The following SFTPD variants were observed in gnomAD, a reference collection of about 807,000 sequenced individuals.
SFTPD encodes pulmonary surfactant-associated protein D.
Under a neutral mutation model 34.6 loss-of-function variants are expected in SFTPD, and 18 were observed. That is an observed-to-expected ratio of 0.52 (90% confidence interval 0.36 to 0.77). The LOEUF is 0.77. Ranked by LOEUF, SFTPD falls within the 30% of genes least tolerant of loss-of-function variation. The pLI, the probability that SFTPD is intolerant of heterozygous loss-of-function variation, is 0.00. For missense variants in SFTPD, 433 were observed against 468.9 expected, an observed-to-expected ratio of 0.92 and a Z score of 0.71; for synonymous variants, 155 against 180.9, an observed-to-expected ratio of 0.86 and a Z score of 1.15.
intron 1 of SFTPD, chr10:79,981,985 G>A: frequency 6.6e-6 from 2 of 303,810 alleles, no homozygotes; most frequent in Non-Finnish European, 6.1e-6. Context: ...GCGTCAGGCC[G>A]CCAGCCTCGC....
At position 79,979,745 on chromosome 10, in the gene SFTPD, C is replaced by G. The variant is rs141316213; in HGVS notation, c.36+2830G>C. 4.9e-3 allele frequency among the ~76,000 whole-genome samples: 746 copies of G among 152,270 alleles called. 4 individuals are homozygous for G. Among genetic ancestry groups the G allele is most frequent in the Non-Finnish European group, 8.7e-3 (593 of 68,008 alleles). On this transcript the variant is annotated intron_variant, in intron 1 of 5. Coordinates refer to the SFTPD transcript ENST00000444384. ...AAGGACTGAAATTCCTGGGCAAGTC[C>G]CTATGCTAGCTGGGCTCAGAGCCAG...
intron 1 of SFTPD, among the ~76,000 whole-genome samples, chr10:79,956,360 T>C (rs1475266180): frequency 6.6e-6 from 1 of 152,226 alleles, no homozygotes; most frequent in African/African-American, 2.4e-5. Context: ...AGGCATTCCC[T>C]CACTCAAGAG....
chr10:79,941,843 A>G, intron 5 of SFTPD, 111 bp downstream of exon 5: 1 of 758,060 alleles, frequency 1.3e-6, no homozygotes. Context: ...TCCATGTTCC[A>G]GCGATACCAC....
chr10:79,979,807 T>G (rs1192870375), intron 1 of SFTPD, among the ~76,000 whole-genome samples: 1 of 152,152 alleles, frequency 6.6e-6, no homozygotes, highest in Non-Finnish European at 1.5e-5. Context: ...CAGTGAGATA[T>G]CACCTGGAGT....
intron 1 of SFTPD, among the ~76,000 whole-genome samples, chr10:79,963,014 T>C (rs1842783552): frequency 6.6e-6 from 1 of 152,196 alleles, no homozygotes. Flanking sequence ...TCTGTCTACC[T>C]ACCTTTCCTT....
At chr10:79,956,470 A>G (rs944034461) in intron 1 of SFTPD, among the ~76,000 whole-genome samples, 5 of 152,222 alleles carry the variant, frequency 3.3e-5, no homozygotes, top group African/African-American at 1.2e-4. Flanking sequence ...TGCTTTTCCA[A>G]CAGGCTTAAA....
Position 79,941,505 on chromosome 10 carries a change from C to G in SFTPD, c.560G>C (p.Gly187Ala). 6.2e-7 allele frequency: 1 copy of G among 1,601,632 alleles called. No individual in the cohort carries two copies. Among genetic ancestry groups the G allele is most frequent in the Non-Finnish European group, 8.5e-7 (1 of 1,175,462 alleles). ...TGGACTTCCCTGGGGACCCATGGCT[C>G]CAGCAGACCCTGGGGTAAAAGAAGA... Reference protein sequence around the residue: ...PGNTGAAGSAGAMGPQGSPGA... With the variant: ...PGNTGAAGSAAAMGPQGSPGA... Residue 187 changes from glycine to alanine, a missense_variant, in exon 6 of 8, where the codon GGA becomes GCA. Physicochemically the swap from Gly to Ala is moderately conservative, Grantham distance 60 (BLOSUM62 0). Transcript: ENST00000372292.
intron 1 of SFTPD, chr10:79,969,879 T>G (rs1842826213): frequency 6.6e-6 from 1 of 152,236 alleles, no homozygotes; most frequent in African/African-American, 2.4e-5. Flanking sequence ...CAGAAGGCTT[T>G]TAATTTGAAG....
At position 79,937,965 on chromosome 10, in the gene SFTPD, G is replaced by A; in HGVS notation, c.1015C>T (p.Pro339Ser). The change falls in exon 8 of 8, where the codon CCA (proline) becomes TCA (serine). Residue 339 changes from proline to serine, a missense_variant. By Grantham distance (74) the Pro-to-Ser change is moderately conservative. Coordinates refer to ENST00000372292, the MANE Select transcript of SFTPD (RefSeq NM_003019.5). Reference protein sequence around the residue: ...GESLVYSNWAPGEPNDDGGSE... With the variant: ...GESLVYSNWASGEPNDDGGSE... ...CCGCCATCATCGTTGGGCTCCCCTG[G>A]GGCCCAGTTGGAATAGACCAGGGAC... 2.5e-6 allele frequency: 4 copies of A among 1,613,540 alleles called. No individual in the cohort carries two copies. Among genetic ancestry groups the A allele is most frequent in the Non-Finnish European group, 3.4e-6 (4 of 1,179,574 alleles).
At chr10:79,955,782 T>C (rs1387294949) in intron 1 of SFTPD, among the ~76,000 whole-genome samples, 1 of 152,212 alleles carries the variant, frequency 6.6e-6, no homozygotes, top group African/African-American at 2.4e-5. Flanking sequence ...TCTTTAAATA[T>C]TAACACAATA....
chr10:79,977,902 C>T (rs531052393), intron 1 of SFTPD, among the ~76,000 whole-genome samples: 4 of 152,232 alleles, frequency 2.6e-5, no homozygotes, highest in African/African-American at 9.6e-5. Context: ...TACCTCACAT[C>T]TTTCATTTAA....
chr10:79,967,853 A>G (rs1201546297), intron 1 of SFTPD, among the ~76,000 whole-genome samples: 5 of 150,324 alleles, frequency 3.3e-5, no homozygotes, highest in South Asian at 4.2e-4. Context: ...AGCTCCCCCA[A>G]TGAGCACCTT....
chr10:79,945,455 CTG>C (rs1254754677), intron 2 of SFTPD, among the ~76,000 whole-genome samples: 3 of 152,204 alleles, frequency 2.0e-5, no homozygotes, highest in Non-Finnish European at 2.9e-5. Context: ...AAGTTAAAGA[CTG>C]TATCTGATCC....
chr10:79,956,676 C>A (rs1290131387), intron 1 of SFTPD, among the ~76,000 whole-genome samples: 5 of 152,242 alleles, frequency 3.3e-5, no homozygotes, highest in African/African-American at 1.2e-4. Flanking sequence ...GTGGAGCCCA[C>A]CACAGCTCAA....
In SFTPD at chr10:79,937,771, G is replaced by C. The variant is rs190420911; in HGVS notation, c.*81C>G. 8.5e-6 allele frequency: 12 copies of C among 1,409,308 alleles called. No individual in the cohort carries two copies. Among genetic ancestry groups the C allele is most frequent in the African/African-American group, 1.4e-5 (1 of 69,596 alleles). 87.3% of individuals were successfully genotyped at this position (1,409,308 alleles called of 1,614,324 possible). A position where few individuals can be genotyped will look rare whatever the true frequency, so the allele number is the denominator to read the frequency against. ...GCACAGATGGTCACCTTTTTATTAG[G>C]ATATTGGCAGCATGAGGGTCTAAGC... On this transcript the variant is annotated 3_prime_UTR_variant, in exon 8 of 8. Transcript: ENST00000372292.
Position 79,938,000 on chromosome 10 carries a change from G to A in SFTPD, c.980C>T (p.Pro327Leu). The A allele has an allele frequency of 6.2e-7, 1 of 1,613,884 alleles. No homozygotes were observed. Among genetic ancestry groups the A allele is most frequent in the Non-Finnish European group, 8.5e-7 (1 of 1,179,804 alleles). Reference protein sequence around the residue: ...DSKTEGKFTYPTGESLVYSNW... With the variant: ...DSKTEGKFTYLTGESLVYSNW... Reference sequence around the variant, plus strand: ...GGAATAGACCAGGGACTCTCCTGTGGGGTAGGTGAACTTGCCCTCTGTCTT... The same window carrying A: ...GGAATAGACCAGGGACTCTCCTGTGAGGTAGGTGAACTTGCCCTCTGTCTT... The change falls in exon 8 of 8, where the codon CCC (proline) becomes CTC (leucine). Residue 327 changes from proline (P) to leucine (L), a missense_variant. By Grantham distance (98) the Pro-to-Leu change is moderately conservative (BLOSUM62 -3). Transcript: ENST00000372292.
intron 1 of SFTPD, among the ~76,000 whole-genome samples, chr10:79,963,926 C>G (rs981216108): frequency 7.9e-5 from 12 of 152,112 alleles, no homozygotes; most frequent in African/African-American, 2.4e-4. Flanking sequence ...CTCTAATCCA[C>G]CTGGCATTCA....
intron 1 of SFTPD, among the ~76,000 whole-genome samples, chr10:79,956,471 C>T (rs1041117785): frequency 6.6e-6 from 1 of 152,264 alleles, no homozygotes; most frequent in Non-Finnish European, 1.5e-5. Flanking sequence ...GCTTTTCCAA[C>T]AGGCTTAAAA....
intron 1 of SFTPD, among the ~76,000 whole-genome samples, chr10:79,976,943 G>T (rs934338709): frequency 1.3e-5 from 2 of 152,116 alleles, no homozygotes; most frequent in Non-Finnish European, 2.9e-5. Context: ...TTTATCAAGG[G>T]TTTCTGCTTT....
Sources: allele counts gnomAD v4.1 joint callset (sites outside exome capture counted in the v4.1 genomes callset), GRCh38; gene constraint gnomAD v4.1.1; transcripts MANE v1.5; gene names NCBI Gene and HGNC (gene_info 2026-07-23, HGNC 2026-07-21).